Variants in SRPK2 observed in about 807,000 individuals in gnomAD.
SRPK2 encodes the protein SFRS protein kinase 2.
In SRPK2, 21 loss-of-function variants were observed where a neutral mutation model predicts 90.8. The observed-to-expected ratio is 0.23, with a 90% CI of 0.16 to 0.33. SRPK2 has a LOEUF of 0.33. Among genes scored for constraint, SRPK2 ranks in the 10% least tolerant of loss-of-function variants. The probability of loss-of-function intolerance (pLI) is 1.00; values close to 1 mark genes in which losing one functional copy is unlikely to be tolerated. For synonymous variants in SRPK2, 288 were observed against 311.1 expected (o/e 0.93, Z 0.78); for missense variants, 620 against 869.0 (o/e 0.71, Z 3.60).
At chr7:105,381,244 G>GAA (rs879733094) in intron 2 of SRPK2, among the ~76,000 whole-genome samples, 2 of 133,540 alleles carry the variant, frequency 1.5e-5, no homozygotes, top group African/African-American at 5.5e-5. Flanking sequence ...ACTGCCTCAA[G>GAA]AAAAAAAAAA....
chr7:105,395,210 C>T (rs889370702), intron 1 of SRPK2, among the ~76,000 whole-genome samples: 4 of 151,920 alleles, frequency 2.6e-5, no homozygotes, highest in Non-Finnish European at 5.9e-5. Flanking sequence ...CAGAAAGTGA[C>T]TGGATGGAGT....
At chr7:105,298,517 T>C (rs1159995066) in intron 2 of SRPK2, among the ~76,000 whole-genome samples, 4 of 152,166 alleles carry the variant, frequency 2.6e-5, no homozygotes, top group Non-Finnish European at 2.9e-5. Context: ...GTAGGTCATA[T>C]AGTGTCTGAC....
chr7:105,132,733 C>T (rs1802198277), intron 13 of SRPK2, 58 bp downstream of exon 13: 1 of 1,382,382 alleles, frequency 7.2e-7, no homozygotes, highest in Non-Finnish European at 1.0e-6. Context: ...CAGCCCCATC[C>T]AGAGTGTGAA....
chr7:105,332,505 T>G (rs941562786), intron 2 of SRPK2, among the ~76,000 whole-genome samples: 2 of 152,188 alleles, frequency 1.3e-5, no homozygotes, highest in Non-Finnish European at 1.5e-5. Flanking sequence ...GTCTCATGCC[T>G]GTAATCTCAG....
chr7:105,396,596 A>C (rs1822327923), intron 1 of SRPK2, among the ~76,000 whole-genome samples: 1 of 151,554 alleles, frequency 6.6e-6, no homozygotes, highest in Non-Finnish European at 1.5e-5. Context: ...GCGCCACTGC[A>C]CTCCAGCCTG....
intron 2 of SRPK2, among the ~76,000 whole-genome samples, chr7:105,240,671 C>A (rs1800692388): frequency 6.6e-6 from 1 of 152,000 alleles, no homozygotes; most frequent in Non-Finnish European, 1.5e-5. Flanking sequence ...GAAGTGACAC[C>A]AAACTTTGAA....
At chr7:105,227,372 C>T (rs996652156) in intron 2 of SRPK2, among the ~76,000 whole-genome samples, 7 of 152,048 alleles carry the variant, frequency 4.6e-5, no homozygotes, top group African/African-American at 7.2e-5. Flanking sequence ...AAGTCCGTTG[C>T]ATCATTCTTA....
intron 2 of SRPK2, among the ~76,000 whole-genome samples, chr7:105,357,375 T>C (rs1180070490): frequency 6.6e-6 from 1 of 152,194 alleles, no homozygotes; most frequent in Admixed American, 6.6e-5. Context: ...GCTGGAGTCC[T>C]CCATTCCTTT....
At chr7:105,206,237 C>T (rs561702655) in intron 2 of SRPK2, among the ~76,000 whole-genome samples, 42 of 152,184 alleles carry the variant, frequency 2.8e-4, no homozygotes, top group South Asian at 2.5e-3. Context: ...GGAGTCATGC[C>T]CATTGAGAAC....
chr7:105,322,869 T>C (rs1813098373), intron 2 of SRPK2, among the ~76,000 whole-genome samples: 1 of 152,108 alleles, frequency 6.6e-6, no homozygotes. Context: ...CCTCCCTGGC[T>C]CACAGCCTGG....
chr7:105,118,076 A>C, intron 15 of SRPK2, 54 bp from the exon 16 acceptor site: 5 of 1,592,658 alleles, frequency 3.1e-6, no homozygotes, highest in Non-Finnish European at 4.3e-6. Flanking sequence ...TGCATTCCCC[A>C]TTGTTGGTCC....
At chr7:105,326,375 A>C (rs1813596860) in intron 2 of SRPK2, among the ~76,000 whole-genome samples, 1 of 152,232 alleles carries the variant, frequency 6.6e-6, no homozygotes, top group African/African-American at 2.4e-5. Flanking sequence ...GAACTTTTTC[A>C]TACTGCTTTG....
intron 7 of SRPK2, among the ~76,000 whole-genome samples, chr7:105,149,082 C>T (rs187874455): frequency 6.6e-6 from 1 of 152,140 alleles, no homozygotes; most frequent in African/African-American, 2.4e-5. Flanking sequence ...AGCCCAACAC[C>T]CATAAAGGGT....
At chr7:105,163,372 G>T (rs543491453) in intron 6 of SRPK2, among the ~76,000 whole-genome samples, 2 of 152,274 alleles carry the variant, frequency 1.3e-5, no homozygotes, top group African/African-American at 4.8e-5. Context: ...ATGCTTTATG[G>T]TAAGTTTAAG....
intron 3 of SRPK2, among the ~76,000 whole-genome samples, chr7:105,177,945 C>T (rs1050206725): frequency 9.3e-5 from 14 of 149,882 alleles, no homozygotes; most frequent in African/African-American, 3.4e-4. Flanking sequence ...AGGAGAACGG[C>T]GTGAACCCGG....
At chr7:105,226,025 T>A (rs17707802) in intron 2 of SRPK2, among the ~76,000 whole-genome samples, 65,059 of 152,034 alleles carry the variant, frequency 0.43, 15,435 homozygotes, top group Non-Finnish European at 0.53. Context: ...TTAAAAGCTG[T>A]AAACTGTGCT....
intron 2 of SRPK2, among the ~76,000 whole-genome samples, chr7:105,386,887 C>G (rs978974066): frequency 6.6e-5 from 10 of 152,082 alleles, no homozygotes; most frequent in African/African-American, 2.4e-4. Context: ...ATCACATATA[C>G]ACAATACACA....
chr7:105,170,916 G>GAAAGA (rs1790920120), intron 3 of SRPK2, among the ~76,000 whole-genome samples: 2 of 66,180 alleles, frequency 3.0e-5, no homozygotes, highest in African/African-American at 1.4e-4. Flanking sequence ...AGAAAGAAAG[G>GAAAGA]AGAAAGAAAA....
intron 2 of SRPK2, among the ~76,000 whole-genome samples, chr7:105,286,853 G>A (rs1403033681): frequency 3.3e-5 from 5 of 152,118 alleles, no homozygotes; most frequent in Admixed American, 6.6e-5. Context: ...ACATTTACAC[G>A]TGGCCTAGGA....
Sources: gnomAD v4.1 joint callset for allele counts (sites outside exome capture counted in the v4.1 genomes callset) on GRCh38, gnomAD v4.1.1 for gene constraint, MANE v1.5 for transcripts, NCBI Gene and HGNC (gene_info 2026-07-23, HGNC 2026-07-21) for gene names.